Variants in ROBO1 observed in about 807,000 individuals in gnomAD.
ROBO1 encodes roundabout homolog 1.
Under a neutral mutation model 195.9 loss-of-function variants are expected in ROBO1, and 149 were observed. The ratio of observed to expected loss-of-function variants is 0.76; its 90% CI spans 0.67 to 0.87. ROBO1 has a LOEUF of 0.87. Among genes scored for constraint, ROBO1 ranks in the 40% least tolerant of loss-of-function variants. The probability of loss-of-function intolerance (pLI) is 0.00; values close to 1 mark genes in which losing one functional copy is unlikely to be tolerated. For missense variants in ROBO1, 1,933 were observed against 2,068.3 expected, an observed-to-expected ratio of 0.93 and a Z score of 1.27; for synonymous variants, 816 against 733.2, an observed-to-expected ratio of 1.11 and a Z score of -1.82.
intron 2 of ROBO1, among the ~76,000 whole-genome samples, chr3:79,231,318 C>T (rs976514772): frequency 2.0e-5 from 3 of 151,960 alleles, no homozygotes; most frequent in Admixed American, 6.6e-5. Context: ...AACTATGTAC[C>T]TGACAAAAGT....
At chr3:79,030,978 T>A (rs2078286220) in intron 3 of ROBO1, among the ~76,000 whole-genome samples, 1 of 152,210 alleles carries the variant, frequency 6.6e-6, no homozygotes, top group Non-Finnish European at 1.5e-5. Context: ...CGCCTCTGCC[T>A]CCCAAAGTGC....
At chr3:79,283,783 C>T (rs996948051) in intron 2 of ROBO1, among the ~76,000 whole-genome samples, 1 of 151,454 alleles carries the variant, frequency 6.6e-6, no homozygotes, top group Non-Finnish European at 1.5e-5. Context: ...CTGCAAGCTC[C>T]GCCTCCCGGG....
chr3:78,965,501 GA>G (rs1336669804), intron 3 of ROBO1, among the ~76,000 whole-genome samples: 1 of 151,854 alleles, frequency 6.6e-6, no homozygotes, highest in Non-Finnish European at 1.5e-5. Context: ...TTCTTTGGGG[GA>G]AAGTTCTTTA....
At chr3:79,665,858 T>A (rs986089094) in intron 1 of ROBO1, among the ~76,000 whole-genome samples, 10 of 152,008 alleles carry the variant, frequency 6.6e-5, no homozygotes, top group Non-Finnish European at 1.3e-4. Context: ...GACCTTAATT[T>A]CACAACTCAG....
chr3:78,877,438 C>T (rs1404294684), intron 4 of ROBO1, among the ~76,000 whole-genome samples: 1 of 151,704 alleles, frequency 6.6e-6, no homozygotes, highest in Non-Finnish European at 1.5e-5. Flanking sequence ...ATAAAAACAT[C>T]CCTAAAATAA....
At chr3:79,536,366 A>G (rs1941862457) in intron 2 of ROBO1, among the ~76,000 whole-genome samples, 1 of 152,118 alleles carries the variant, frequency 6.6e-6, no homozygotes, top group African/African-American at 2.4e-5. Flanking sequence ...CCAGTGTATC[A>G]TGCACTGTCG....
intron 2 of ROBO1, among the ~76,000 whole-genome samples, chr3:79,426,931 A>G (rs1226084917): frequency 6.6e-6 from 1 of 152,192 alleles, no homozygotes; most frequent in Non-Finnish European, 1.5e-5. Context: ...TGTTATGATC[A>G]GTCTTATATA....
chr3:78,738,158 T>C (rs1006968218), intron 5 of ROBO1, among the ~76,000 whole-genome samples: 1 of 152,068 alleles, frequency 6.6e-6, no homozygotes, highest in African/African-American at 2.4e-5. Context: ...AAGGAAGCAA[T>C]TGGCAAGGAG....
At chr3:79,237,839 G>T (rs1020289742) in intron 2 of ROBO1, among the ~76,000 whole-genome samples, 2 of 152,236 alleles carry the variant, frequency 1.3e-5, no homozygotes, top group African/African-American at 2.4e-5. Context: ...TTCAGTCATG[G>T]TCACACCATG....
intron 4 of ROBO1, among the ~76,000 whole-genome samples, chr3:78,905,158 CATTAATT>C (rs1230235234): frequency 6.6e-6 from 1 of 152,074 alleles, no homozygotes; most frequent in African/African-American, 2.4e-5. Flanking sequence ...ACACCTTTAT[CATTAATT>C]ATTAATTGAA....
intron 3 of ROBO1, among the ~76,000 whole-genome samples, chr3:78,960,368 A>G (rs1041689776): frequency 1.3e-5 from 2 of 149,390 alleles, no homozygotes; most frequent in Non-Finnish European, 3.0e-5. Flanking sequence ...ATATATTAAT[A>G]TATTATATAG....
intron 2 of ROBO1, among the ~76,000 whole-genome samples, chr3:79,355,711 T>G (rs1237183657): frequency 6.6e-6 from 1 of 152,208 alleles, no homozygotes; most frequent in African/African-American, 2.4e-5. Flanking sequence ...CCCTCCAGGT[T>G]CATCCATGTC....
intron 26 of ROBO1, 94 bp from the exon 27 acceptor site, chr3:78,618,135 A>T (rs1018953683): frequency 3.8e-6 from 5 of 1,320,954 alleles, no homozygotes; most frequent in Non-Finnish European, 4.1e-6. Context: ...TGCAGATTTG[A>T]CCTTTACTTC....
intron 4 of ROBO1, among the ~76,000 whole-genome samples, chr3:78,771,548 G>C (rs1037170579): frequency 6.6e-6 from 1 of 152,028 alleles, no homozygotes; most frequent in African/African-American, 2.4e-5. Flanking sequence ...TTTTCCATTT[G>C]TTTGTATCAT....
rs570784286 is a variant in ROBO1 at position 79,627,170 on chromosome 3, C to T, written c.-50-37209G>A. Among the ~76,000 whole-genome samples the T allele has an allele frequency of 3.5e-4, 54 of 152,156 alleles. 1 individual carries two copies. The highest frequency in any genetic ancestry group is 1.1e-3 in the African/African-American group (47 of 41,512). On this transcript the variant is annotated intron_variant, in intron 1 of 30. Coordinates refer to ENST00000464233, the MANE Select transcript of ROBO1 (RefSeq NM_002941.4). ...AACTATTTCAAATTTCATATGTAAT[C>T]GAAGAAGACCCTGTATTGCCAAGAC...
chr3:79,317,536 T>A (rs893265203), intron 2 of ROBO1, among the ~76,000 whole-genome samples: 1 of 152,138 alleles, frequency 6.6e-6, no homozygotes, highest in African/African-American at 2.4e-5. Context: ...AAAAAAATAT[T>A]TTTTATTTAT....
chr3:78,850,779 T>C (rs2034004671), intron 4 of ROBO1, among the ~76,000 whole-genome samples: 2 of 151,978 alleles, frequency 1.3e-5, no homozygotes. Context: ...CCTGTTATTT[T>C]CTTTCTTTTC....
chr3:79,318,180 A>G (rs2033823226), intron 2 of ROBO1, among the ~76,000 whole-genome samples: 1 of 152,182 alleles, frequency 6.6e-6, no homozygotes, highest in Admixed American at 6.5e-5. Context: ...TCCACTAATT[A>G]AGTAATGATT....
intron 4 of ROBO1, among the ~76,000 whole-genome samples, chr3:78,753,139 A>G (rs1284507403): frequency 6.6e-6 from 1 of 152,214 alleles, no homozygotes; most frequent in Admixed American, 6.5e-5. Context: ...CATTGCAGAT[A>G]AAATGAGAAG....
Sources: allele counts gnomAD v4.1 joint callset (sites outside exome capture counted in the v4.1 genomes callset), GRCh38; gene constraint gnomAD v4.1.1; transcripts MANE v1.5; gene names NCBI Gene and HGNC (gene_info 2026-07-23, HGNC 2026-07-21).